The following CALN1 variants were observed in gnomAD, a reference collection of about 807,000 sequenced individuals.
CALN1 encodes the protein calcium-binding protein 8.
Under a neutral mutation model 30.6 loss-of-function variants are expected in CALN1, and 17 were observed. That is an observed-to-expected ratio of 0.56 (90% CI 0.38 to 0.83). The LOEUF is 0.83. Among genes scored for constraint, CALN1 ranks in the 40% least tolerant of loss-of-function variants. The probability of loss-of-function intolerance (pLI) is 0.00; values close to 1 mark genes in which losing one functional copy is unlikely to be tolerated. For synonymous variants in CALN1, 156 were observed against 131.4 expected, an observed-to-expected ratio of 1.19 and a Z score of -1.28; for missense variants, 291 against 354.9, an observed-to-expected ratio of 0.82 and a Z score of 1.45.
At chr7:72,355,473 C>A (rs1026599668) in intron 2 of CALN1, among the ~76,000 whole-genome samples, 3 of 152,160 alleles carry the variant, frequency 2.0e-5, no homozygotes, top group Non-Finnish European at 4.4e-5. Flanking sequence ...TGGCAGTGAG[C>A]CGGGATTACA....
chr7:72,001,141 A>G (rs370302933), intron 5 of CALN1, among the ~76,000 whole-genome samples: 2 of 152,304 alleles, frequency 1.3e-5, no homozygotes, highest in East Asian at 3.9e-4. Flanking sequence ...CTAAACAGGT[A>G]GAAAAACCTG....
At chr7:71,793,877 A>AC (rs56794694) in intron 6 of CALN1, among the ~76,000 whole-genome samples, 33,966 of 152,042 alleles carry the variant, frequency 0.22, 5,846 homozygotes, top group East Asian at 0.65. Context: ...ACCAAAAAAA[A>AC]CAAAAAGAAA....
chr7:72,009,691 C>A (rs946014916), intron 5 of CALN1, among the ~76,000 whole-genome samples: 2 of 152,156 alleles, frequency 1.3e-5, no homozygotes, highest in South Asian at 2.1e-4. Flanking sequence ...TGGTTTCCCC[C>A]ATACTGTTCT....
chr7:72,284,438 T>C (rs1797939125), intron 2 of CALN1, among the ~76,000 whole-genome samples: 1 of 152,242 alleles, frequency 6.6e-6, no homozygotes, highest in African/African-American at 2.4e-5. Flanking sequence ...TTCTCTGTGA[T>C]GTGTCTGTGA....
At chr7:71,886,959 G>T (rs989848044) in intron 5 of CALN1, among the ~76,000 whole-genome samples, 1 of 152,088 alleles carries the variant, frequency 6.6e-6, no homozygotes, top group Non-Finnish European at 1.5e-5. Context: ...AGTGCTGTGA[G>T]AACTTAGGGG....
chr7:72,085,927 C>G (rs1307409572), intron 4 of CALN1, among the ~76,000 whole-genome samples: 1 of 152,000 alleles, frequency 6.6e-6, no homozygotes, highest in East Asian at 1.9e-4. Flanking sequence ...CCTAACACCA[C>G]TATTAATCAA....
intron 2 of CALN1, among the ~76,000 whole-genome samples, chr7:72,307,659 C>T (rs1585429940): frequency 6.6e-6 from 1 of 152,302 alleles, no homozygotes; most frequent in East Asian, 1.9e-4. Context: ...GAAGCAACCT[C>T]CTGGCTGAGC....
At chr7:72,300,979 G>A (rs1799219831) in intron 2 of CALN1, among the ~76,000 whole-genome samples, 1 of 152,148 alleles carries the variant, frequency 6.6e-6, no homozygotes, top group Non-Finnish European at 1.5e-5. Context: ...GGGTGACAGA[G>A]TGAGACTCTG....
chr7:71,793,242 G>C (rs1786683911), intron 6 of CALN1, among the ~76,000 whole-genome samples: 1 of 152,056 alleles, frequency 6.6e-6, no homozygotes, highest in Non-Finnish European at 1.5e-5. Context: ...AGAGGCAGAG[G>C]TTGTAGTGAG....
At chr7:71,865,092 T>G (rs774893976) in intron 5 of CALN1, among the ~76,000 whole-genome samples, 1 of 151,986 alleles carries the variant, frequency 6.6e-6, no homozygotes, top group Non-Finnish European at 1.5e-5. Flanking sequence ...AGAAAATAAA[T>G]GCACCAATAA....
intron 4 of CALN1, among the ~76,000 whole-genome samples, chr7:72,055,778 G>A (rs1563017075): frequency 6.6e-6 from 1 of 152,168 alleles, no homozygotes; most frequent in African/African-American, 2.4e-5. Context: ...CTGGGGGGCT[G>A]AGGAGTGAGG....
rs143982189 is a variant in CALN1 at position 72,128,918 on chromosome 7, A to G, written c.245-22624T>C. ...CATTTGTCAGGGCAAAAATCAGGAT[A>G]AGCTAAGTGAAAAATCAGAAACAAA... On this transcript the variant is annotated intron_variant, in intron 3 of 6. Coordinates refer to ENST00000395275, the MANE Select transcript of CALN1 (RefSeq NM_031468.4). Among the ~76,000 whole-genome samples, 301 of 152,318 alleles carry G rather than the reference A, an allele frequency of 2.0e-3. 2 individuals carry two copies. Among genetic ancestry groups the G allele is most frequent in the Middle Eastern group, 6.8e-3 (2 of 294 alleles).
At chr7:71,999,647 C>A (rs1799427885) in intron 5 of CALN1, among the ~76,000 whole-genome samples, 1 of 152,068 alleles carries the variant, frequency 6.6e-6, no homozygotes, top group East Asian at 1.9e-4. Flanking sequence ...TCCCAAGTAG[C>A]TGGGATTACA....
At chr7:72,116,667 G>A (rs1808005815) in intron 3 of CALN1, among the ~76,000 whole-genome samples, 1 of 152,178 alleles carries the variant, frequency 6.6e-6, no homozygotes, top group African/African-American at 2.4e-5. Flanking sequence ...ACTAGTCACT[G>A]CATCTGTGCT....
At chr7:71,885,432 G>A (rs368546141) in intron 5 of CALN1, among the ~76,000 whole-genome samples, 43 of 152,294 alleles carry the variant, frequency 2.8e-4, no homozygotes, top group Non-Finnish European at 4.4e-4. Flanking sequence ...GATTACAGGC[G>A]TGAGCCACCG....
intron 5 of CALN1, among the ~76,000 whole-genome samples, chr7:71,876,892 G>C (rs77983796): frequency 1.3e-5 from 2 of 152,278 alleles, no homozygotes; most frequent in East Asian, 3.9e-4. Context: ...GTTTAGTTGG[G>C]ATGGTAAAAG....
chr7:72,047,978 C>A (rs1802581375), intron 4 of CALN1, among the ~76,000 whole-genome samples: 1 of 151,650 alleles, frequency 6.6e-6, no homozygotes, highest in African/African-American at 2.4e-5. Flanking sequence ...TCATAAGCAT[C>A]TAACACAGTG....
In CALN1 at chr7:72,096,186, G is replaced by T. The variant is rs143322473; in HGVS notation, c.388+9965C>A. On this transcript the variant is annotated intron_variant, in intron 4 of 6. Coordinates refer to ENST00000395275, the MANE Select transcript of CALN1 (RefSeq NM_031468.4). ...CTTAAACATGCTTCCAAGTGATGCT[G>T]ACTCTGCCTGTCCCTGGACCACACA... Among the ~76,000 whole-genome samples, 206 of 152,260 alleles carry T rather than the reference G, an allele frequency of 1.4e-3. 1 individual carries two copies. The highest frequency in any genetic ancestry group is 4.7e-3 in the African/African-American group (197 of 41,550).
intron 5 of CALN1, among the ~76,000 whole-genome samples, chr7:71,833,096 C>T (rs1789389651): frequency 6.6e-6 from 1 of 152,190 alleles, no homozygotes; most frequent in East Asian, 1.9e-4. Context: ...CAAAGTGATT[C>T]CTCCTTTAGG....
Sources: allele counts gnomAD v4.1 joint callset (sites outside exome capture counted in the v4.1 genomes callset), GRCh38; gene constraint gnomAD v4.1.1; transcripts MANE v1.5; gene names NCBI Gene and HGNC (gene_info 2026-07-23, HGNC 2026-07-21).